Variants in AJAP1 observed in about 807,000 individuals in gnomAD.
AJAP1 encodes adherens junction-associated protein 1.
AJAP1 carries 5 observed loss-of-function variants against 35.0 expected under a neutral mutation model. The observed-to-expected ratio is 0.14, with a 90% CI of 0.07 to 0.30. AJAP1 has a LOEUF of 0.30. AJAP1 is among the 10% of genes least tolerant of loss of function. AJAP1 has a pLI of 1.00. For missense variants in AJAP1, 586 were observed against 571.0 expected, an observed-to-expected ratio of 1.03 and a Z score of -0.27; for synonymous variants, 284 against 249.3, an observed-to-expected ratio of 1.14 and a Z score of -1.31.
chr1:4,711,833 GC>G, intron 1 of AJAP1, 66 bp from the exon 2 acceptor site: 1 of 1,289,710 alleles, frequency 7.8e-7, no homozygotes. Flanking sequence ...GAGAGAGAGG[GC>G]CCCGGGGCCC....
At chr1:4,739,376 G>A (rs957104528) in intron 2 of AJAP1, among the ~76,000 whole-genome samples, 3 of 152,192 alleles carry the variant, frequency 2.0e-5, no homozygotes, top group Non-Finnish European at 4.4e-5. Context: ...CGGCAGCAAT[G>A]GTCATGCGAC....
At chr1:4,760,291 A>G (rs1336977637) in intron 2 of AJAP1, among the ~76,000 whole-genome samples, 2 of 150,754 alleles carry the variant, frequency 1.3e-5, no homozygotes, top group East Asian at 3.9e-4. Flanking sequence ...GTGTGTGTGC[A>G]TGTGCGGGCA....
chr1:4,774,757 C>T (rs147163119), intron 5 of AJAP1, among the ~76,000 whole-genome samples, 199 bp downstream of exon 5: 1 of 152,072 alleles, frequency 6.6e-6, no homozygotes, highest in African/African-American at 2.4e-5. Flanking sequence ...GAAGTGCCCT[C>T]CCCGTCCCAG....
At chr1:4,687,854 C>T (rs1639642806) in intron 1 of AJAP1, among the ~76,000 whole-genome samples, 3 of 152,352 alleles carry the variant, frequency 2.0e-5, no homozygotes, top group Admixed American at 1.3e-4. Flanking sequence ...TCCGCCAGGC[C>T]TCTGTGTGGG....
chr1:4,773,738 C>A (rs540444311), intron 4 of AJAP1, among the ~76,000 whole-genome samples: 3 of 152,186 alleles, frequency 2.0e-5, no homozygotes, highest in Admixed American at 6.5e-5. Context: ...TTGGCTTGGA[C>A]GTGAATCTGG....
chr1:4,772,228 G>C, intron 3 of AJAP1, 52 bp from the exon 4 acceptor site: 1 of 1,605,502 alleles, frequency 6.2e-7, no homozygotes, highest in Admixed American at 1.7e-5. Flanking sequence ...AGTTGTGTTT[G>C]TGGGTTTCCG....
chr1:4,707,546 A>C (rs1212524772), intron 1 of AJAP1, among the ~76,000 whole-genome samples: 1 of 152,184 alleles, frequency 6.6e-6, no homozygotes, highest in African/African-American at 2.4e-5. Flanking sequence ...TTCCCTGCTC[A>C]GGGTTTTCAA....
chr1:4,657,090 A>G (rs1213550096), intron 1 of AJAP1, among the ~76,000 whole-genome samples: 1 of 152,190 alleles, frequency 6.6e-6, no homozygotes, highest in Admixed American at 6.5e-5. Flanking sequence ...ATGGCAACTT[A>G]TTTGAACAGA....
In AJAP1 at chr1:4,787,403, C is replaced by T; in HGVS notation, c.*4918C>T. ...GAGGCAGGGGTTGTCTACGTCTCCT[C>T]CTCCTGCGACCCATCACCTACTGGA... On this transcript the variant is annotated 3_prime_UTR_variant, in exon 6 of 6. Coordinates refer to ENST00000378191, the MANE Select transcript of AJAP1 (RefSeq NM_018836.4). The T allele has an allele frequency of 3.6e-6, 1 of 276,686 alleles. No homozygotes were observed. The allele number at this position is 276,686 out of a possible 1,614,324, so 17.1% of individuals were successfully genotyped here.
chr1:4,683,914 G>A (rs1322501879), intron 1 of AJAP1, among the ~76,000 whole-genome samples: 2 of 152,160 alleles, frequency 1.3e-5, no homozygotes, highest in Admixed American at 1.3e-4. Flanking sequence ...AGTATGCATG[G>A]TGAGGGGCTT....
At chr1:4,680,793 G>A (rs1013078841) in intron 1 of AJAP1, among the ~76,000 whole-genome samples, 18 of 152,262 alleles carry the variant, frequency 1.2e-4, no homozygotes, top group East Asian at 5.8e-4. Flanking sequence ...GTTCAGTGTC[G>A]CATTGCTACT....
chr1:4,774,900 C>T (rs1026852545), intron 5 of AJAP1, among the ~76,000 whole-genome samples: 8 of 152,088 alleles, frequency 5.3e-5, no homozygotes, highest in Admixed American at 4.6e-4. Flanking sequence ...CTAAAACAAG[C>T]GACAATTACA....
At chr1:4,733,672 G>A (rs796069573) in intron 2 of AJAP1, among the ~76,000 whole-genome samples, 10 of 151,890 alleles carry the variant, frequency 6.6e-5, no homozygotes, top group African/African-American at 1.4e-4. Flanking sequence ...CCAGCGGGCC[G>A]GCCTTGGGAG....
chr1:4,780,324 A>C (rs2100374638), intron 5 of AJAP1, among the ~76,000 whole-genome samples: 1 of 147,620 alleles, frequency 6.8e-6, no homozygotes. Flanking sequence ...CCTGGCCCCC[A>C]ATTCTACTCT....
chr1:4,767,524 CCATCACCATTATCAT>C (rs372237120), intron 2 of AJAP1, among the ~76,000 whole-genome samples: 5 of 149,228 alleles, frequency 3.4e-5, no homozygotes, highest in African/African-American at 9.9e-5. Context: ...ATCACCACCA[CCATCACCATTATCAT>C]CATCACCATC....
chr1:4,707,450 ATCTT>A (rs1640124683), intron 1 of AJAP1, among the ~76,000 whole-genome samples: 1 of 151,472 alleles, frequency 6.6e-6, no homozygotes, highest in African/African-American at 2.4e-5. Flanking sequence ...GCAATTGCTC[ATCTT>A]TCTGTCTCTG....
At chr1:4,658,590 G>A (rs749218105) in intron 1 of AJAP1, among the ~76,000 whole-genome samples, 2 of 152,224 alleles carry the variant, frequency 1.3e-5, no homozygotes, top group Admixed American at 6.5e-5. Flanking sequence ...TACTCCTCGG[G>A]GACAATCATG....
At chr1:4,673,123 C>T (rs1639283139) in intron 1 of AJAP1, among the ~76,000 whole-genome samples, 1 of 152,182 alleles carries the variant, frequency 6.6e-6, no homozygotes, top group Non-Finnish European at 1.5e-5. Context: ...GGAGACACAG[C>T]CCCACCAATG....
chr1:4,655,575 CG>C lies in AJAP1; in HGVS notation c.29+125del. ...CTCTTCGCTTCCCGCAAGCGGGCAA[CG>C]GGGTGCACCGGTAGCCGGAAAGGGG... On this transcript the variant is annotated intron_variant, in intron 1 of 5. Coordinates refer to ENST00000378191, the MANE Select transcript of AJAP1 (RefSeq NM_018836.4). This position sits in a 1 kb window ranked among gnomAD's most constrained non-coding sequence, Gnocchi z 6.9. The C allele has an allele frequency of 8.0e-7, 1 of 1,246,160 alleles. No homozygotes were observed. Among genetic ancestry groups the C allele is most frequent in the Non-Finnish European group, 1.1e-6 (1 of 922,312 alleles). 77.2% of individuals were successfully genotyped at this position (1,246,160 alleles called of 1,614,324 possible). A position where few individuals can be genotyped will look rare whatever the true frequency, so the allele number is the denominator to read the frequency against.
Sources: gnomAD v4.1 joint callset for allele counts (sites outside exome capture counted in the v4.1 genomes callset) on GRCh38, gnomAD v4.1.1 for gene constraint, Gnocchi (gnomAD v3.1) non-coding constraint, MANE v1.5 for transcripts, NCBI Gene and HGNC (gene_info 2026-07-23, HGNC 2026-07-21) for gene names.